ANXA8: variants seen among roughly 807,000 people sequenced by gnomAD.
ANXA8 encodes VAC-beta.
A neutral mutation model predicts 26.8 loss-of-function variants in ANXA8; 9 were observed. The observed-to-expected ratio is 0.34, with a 90% CI of 0.20 to 0.59. ANXA8 has a LOEUF of 0.59. Ranked by LOEUF, ANXA8 falls within the 20% of genes least tolerant of loss-of-function variation. The probability of loss-of-function intolerance (pLI) is 0.84; values close to 1 mark genes in which losing one functional copy is unlikely to be tolerated. For synonymous variants in ANXA8, 39 were observed against 94.8 expected, an observed-to-expected ratio of 0.41 and a Z score of 3.42; for missense variants, 83 against 238.5, an observed-to-expected ratio of 0.35 and a Z score of 4.29.
the ANXA8 span, among the ~76,000 whole-genome samples, chr10:47,971,245 A>C: frequency 6.6e-6 from 1 of 151,068 alleles, no homozygotes; most frequent in African/African-American, 2.4e-5. Context: ...TGAGGCCGTG[A>C]GAAGGCCCGC....
the ANXA8 span, among the ~76,000 whole-genome samples, chr10:47,659,534 G>A: frequency 3.4e-4 from 52 of 151,400 alleles, no homozygotes; most frequent in African/African-American, 1.2e-3. Context: ...AAATTAGCCG[G>A]GTGTGGTGGT....
the ANXA8 span, among the ~76,000 whole-genome samples, chr10:47,670,664 T>C: frequency 1.8e-4 from 27 of 152,096 alleles, no homozygotes; most frequent in African/African-American, 6.3e-4. Context: ...ATATCTTCTT[T>C]GGAGAAATGT....
At chr10:47,645,929 A>G in the ANXA8 span, among the ~76,000 whole-genome samples, 3 of 149,244 alleles carry the variant, frequency 2.0e-5, no homozygotes, top group African/African-American at 5.2e-5. Context: ...AGGTTGAACT[A>G]TATCACTAAC....
At chr10:47,506,442 T>G in the ANXA8 span, among the ~76,000 whole-genome samples, 2 of 137,962 alleles carry the variant, frequency 1.4e-5, no homozygotes, top group Non-Finnish European at 3.1e-5. Context: ...GTGATTCTCC[T>G]GCCTCAGCCT....
the ANXA8 span, among the ~76,000 whole-genome samples, chr10:47,942,118 G>C: frequency 2.4e-4 from 35 of 147,228 alleles, 5 homozygotes; most frequent in African/African-American, 9.1e-4. Flanking sequence ...CCCCTGGAGG[G>C]AAATACCCCA....
At chr10:47,586,195 A>G in the ANXA8 span, among the ~76,000 whole-genome samples, 1 of 145,200 alleles carries the variant, frequency 6.9e-6, no homozygotes, top group African/African-American at 2.8e-5. Context: ...AGCTGGCAGG[A>G]ATCCCCGTCC....
At chr10:47,675,376 T>G in the ANXA8 span, among the ~76,000 whole-genome samples, 1 of 151,314 alleles carries the variant, frequency 6.6e-6, no homozygotes, top group Non-Finnish European at 1.5e-5. Context: ...TACTTAATCA[T>G]TCTACTCTAG....
the ANXA8 span, among the ~76,000 whole-genome samples, chr10:47,717,944 G>A: frequency 6.8e-6 from 1 of 147,066 alleles, no homozygotes. Context: ...GTTGCAGTGA[G>A]CCGAGATTGC....
At chr10:47,566,102 G>A in the ANXA8 span, 6 of 450,248 alleles carry the variant, frequency 1.3e-5, no homozygotes, top group Non-Finnish European at 1.1e-5. Context: ...AAAGGCAAAT[G>A]GTTTTACTGC....
chr10:47,700,344 A>G, the ANXA8 span, among the ~76,000 whole-genome samples: 8 of 151,940 alleles, frequency 5.3e-5, no homozygotes, highest in Admixed American at 5.2e-4. Flanking sequence ...TTAGAATTAG[A>G]CCCACCTACA....
chr10:47,711,137 T>C, the ANXA8 span, among the ~76,000 whole-genome samples: 1,820 of 145,600 alleles, frequency 0.013, 26 homozygotes, highest in South Asian at 0.027. Flanking sequence ...CAATTAATGT[T>C]CAATAAATTA....
the ANXA8 span, among the ~76,000 whole-genome samples, chr10:47,693,029 C>T: frequency 6.6e-6 from 1 of 151,930 alleles, no homozygotes; most frequent in South Asian, 2.1e-4. Context: ...GCCACCGTGC[C>T]TGGCCAGAAT....
chr10:47,527,910 A>G, the ANXA8 span, among the ~76,000 whole-genome samples: 1 of 149,376 alleles, frequency 6.7e-6, no homozygotes, highest in African/African-American at 2.5e-5. Context: ...AGGAAGAACT[A>G]ATGCAGAAGG....
the ANXA8 span, among the ~76,000 whole-genome samples, chr10:47,976,629 G>A: frequency 2.0e-5 from 3 of 148,010 alleles, no homozygotes; most frequent in Non-Finnish European, 4.5e-5. Context: ...GTAGCCACTG[G>A]GGAGGACAGA....
chr10:47,943,423 G>A, the ANXA8 span, among the ~76,000 whole-genome samples: 1 of 146,684 alleles, frequency 6.8e-6, no homozygotes, highest in African/African-American at 2.6e-5. Context: ...AGACACCATG[G>A]GGGAGAAACC....
At chr10:47,574,185 A>G in the ANXA8 span, among the ~76,000 whole-genome samples, 4,932 of 27,974 alleles carry the variant, frequency 0.18, 295 homozygotes, top group Middle Eastern at 0.23. Context: ...GCGCAATCTC[A>G]GCTCACTGCA....
the ANXA8 span, among the ~76,000 whole-genome samples, chr10:47,729,392 G>A: frequency 7.0e-6 from 1 of 142,598 alleles, no homozygotes; most frequent in Non-Finnish European, 1.6e-5. Context: ...TAATTGTCAA[G>A]GGGTTAGTAC....
chr10:47,715,936 T>G, the ANXA8 span: 1 of 954,590 alleles, frequency 1.0e-6, no homozygotes, highest in Non-Finnish European at 1.5e-6. Context: ...CAGGCTGGAA[T>G]ACAGTGGTGT....
At chr10:47,483,485 C>T (rs1401261827) in intron 1 of ANXA8, among the ~76,000 whole-genome samples, 2 of 135,802 alleles carry the variant, frequency 1.5e-5, no homozygotes, top group Admixed American at 7.2e-5. Flanking sequence ...AGCTCCCTGC[C>T]CTCTGACCCT....
Sources: gnomAD v4.1 joint callset for allele counts (sites outside exome capture counted in the v4.1 genomes callset) on GRCh38, gnomAD v4.1.1 for gene constraint, MANE v1.5 for transcripts, NCBI Gene and HGNC (gene_info 2026-07-23, HGNC 2026-07-21) for gene names.